Variants in PID1 observed in about 807,000 individuals in gnomAD.
PID1 encodes phosphotyrosine interaction domain containing 1.
PID1 carries 10 observed loss-of-function variants against 19.1 expected under a neutral mutation model. That is an observed-to-expected ratio of 0.52 (90% confidence interval 0.32 to 0.89). The LOEUF is 0.89. PID1 is among the 40% of genes least tolerant of loss of function. The pLI is 0.03. For synonymous variants in PID1, 130 were observed against 116.0 expected, an observed-to-expected ratio of 1.12 and a Z score of -0.78; for missense variants, 248 against 285.3, an observed-to-expected ratio of 0.87 and a Z score of 0.94.
intron 1 of PID1, among the ~76,000 whole-genome samples, chr2:229,187,214 C>T (rs1691151078): frequency 1.3e-5 from 2 of 152,198 alleles, no homozygotes; most frequent in Admixed American, 1.3e-4. Context: ...GCCCTTCAAA[C>T]TGTTCCAACC....
Position 229,207,374 on chromosome 2 carries a change from TACTC to T in PID1, c.31-51414_31-51411del, listed in dbSNP as rs796324479. ...TGATCTGTAAAATGGGAACTGAAAATACTCACCACACAGTATTAGCACAGGATGA... is the reference window on the plus strand; with the variant it reads ...TGATCTGTAAAATGGGAACTGAAAATACCACACAGTATTAGCACAGGATGA... On this transcript the variant is annotated intron_variant, in intron 1 of 2. Coordinates refer to ENST00000392055, the MANE Select transcript of PID1 (RefSeq NM_001100818.2). Among the ~76,000 whole-genome samples the T allele has an allele frequency of 5.3e-5, 8 of 151,862 alleles. 1 individual carries two copies. Among genetic ancestry groups the T allele is most frequent in the African/African-American group, 1.7e-4 (7 of 41,376 alleles).
intron 2 of PID1, among the ~76,000 whole-genome samples, chr2:229,126,542 C>T (rs1414932578): frequency 1.3e-5 from 2 of 152,062 alleles, no homozygotes; most frequent in Non-Finnish European, 2.9e-5. Context: ...TTTAGGAACC[C>T]GAAATCACTA....
At chr2:229,173,429 T>C (rs1690750548) in intron 1 of PID1, among the ~76,000 whole-genome samples, 1 of 152,210 alleles carries the variant, frequency 6.6e-6, no homozygotes, top group Non-Finnish European at 1.5e-5. Flanking sequence ...AGCTTGTGTC[T>C]TACCTGCTCT....
At chr2:229,178,866 C>T (rs1160097799) in intron 1 of PID1, among the ~76,000 whole-genome samples, 2 of 151,924 alleles carry the variant, frequency 1.3e-5, no homozygotes, top group East Asian at 1.9e-4. Flanking sequence ...TCCCTATGCA[C>T]CGGGCACAAG....
chr2:229,069,795 A>G (rs1694415637), intron 2 of PID1, among the ~76,000 whole-genome samples: 1 of 152,226 alleles, frequency 6.6e-6, no homozygotes, highest in Non-Finnish European at 1.5e-5. Flanking sequence ...GCACTAAGAT[A>G]TTATTACTGC....
chr2:229,246,543 C>G (rs534848258), intron 1 of PID1, among the ~76,000 whole-genome samples: 1 of 152,242 alleles, frequency 6.6e-6, no homozygotes, highest in Admixed American at 6.5e-5. Flanking sequence ...CACACACACC[C>G]ATTTATTATC....
rs557585679 is a variant in PID1, at chr2:229,242,628, C to T, written c.30+28386G>A. 4.4e-4 allele frequency among the ~76,000 whole-genome samples: 67 copies of T among 152,250 alleles called. 1 individual carries two copies. Among genetic ancestry groups the T allele is most frequent in the African/African-American group, 1.6e-3 (67 of 41,540 alleles). Reference sequence around the variant, plus strand: ...ACCCCAAAGTCACTGCTTTAGATGACATCTTCATCCCCTTTTGCCTGTACC... The same window carrying T: ...ACCCCAAAGTCACTGCTTTAGATGATATCTTCATCCCCTTTTGCCTGTACC... On this transcript the variant is annotated intron_variant, in intron 1 of 2. Transcript: ENST00000392055.
intron 2 of PID1, among the ~76,000 whole-genome samples, chr2:229,084,738 G>A (rs1559225946): frequency 6.6e-6 from 1 of 152,256 alleles, no homozygotes; most frequent in Non-Finnish European, 1.5e-5. Context: ...AAGAACAAAG[G>A]GCGAGTGGAG....
At chr2:229,199,967 T>C (rs1402273058) in intron 1 of PID1, among the ~76,000 whole-genome samples, 1 of 151,920 alleles carries the variant, frequency 6.6e-6, no homozygotes, top group Non-Finnish European at 1.5e-5. Flanking sequence ...ATTTTAACAA[T>C]TGCTAATAAT....
chr2:229,182,387 C>T (rs941664261), intron 1 of PID1, among the ~76,000 whole-genome samples: 1 of 151,522 alleles, frequency 6.6e-6, no homozygotes, highest in Non-Finnish European at 1.5e-5. Context: ...ACTGCTCTTA[C>T]AAAATAAAAC....
intron 2 of PID1, among the ~76,000 whole-genome samples, chr2:229,115,662 A>T (rs935813752): frequency 2.0e-5 from 3 of 152,194 alleles, no homozygotes; most frequent in African/African-American, 7.2e-5. Flanking sequence ...GAAGACTCAA[A>T]AAAGTCAATC....
intron 1 of PID1, among the ~76,000 whole-genome samples, chr2:229,211,501 G>T (rs1474841775): frequency 6.6e-6 from 1 of 152,042 alleles, no homozygotes; most frequent in Non-Finnish European, 1.5e-5. Flanking sequence ...CTGTTTATTG[G>T]TCATATTTTT....
chr2:229,254,628 C>G (rs1270711845), intron 1 of PID1, among the ~76,000 whole-genome samples: 1 of 152,150 alleles, frequency 6.6e-6, no homozygotes, highest in Non-Finnish European at 1.5e-5. Context: ...TAATTCTAGT[C>G]TAGGTTTTCA....
At chr2:229,057,539 G>A (rs898692567) in intron 2 of PID1, among the ~76,000 whole-genome samples, 15 of 151,440 alleles carry the variant, frequency 9.9e-5, no homozygotes, top group African/African-American at 1.5e-4. Context: ...ATAAAGATAT[G>A]CACTGCAAAC....
chr2:229,228,120 A>C, intron 1 of PID1: 1 of 448,554 alleles, frequency 2.2e-6, no homozygotes, highest in Non-Finnish European at 4.5e-6. Context: ...ATCCAAGAGA[A>C]TCGAGATAAA....
At chr2:229,143,321 A>G (rs967261875) in intron 2 of PID1, among the ~76,000 whole-genome samples, 3 of 151,902 alleles carry the variant, frequency 2.0e-5, no homozygotes, top group African/African-American at 7.3e-5. Context: ...CATTGTGCAC[A>G]TGTACCCTAA....
chr2:229,189,692 C>T (rs1691215274), intron 1 of PID1, among the ~76,000 whole-genome samples: 2 of 152,112 alleles, frequency 1.3e-5, no homozygotes, highest in African/African-American at 4.8e-5. Context: ...AGTGAAACTC[C>T]ATCAACAACC....
At chr2:229,149,861 C>G (rs926554773) in intron 2 of PID1, among the ~76,000 whole-genome samples, 1 of 152,066 alleles carries the variant, frequency 6.6e-6, no homozygotes, top group Non-Finnish European at 1.5e-5. Context: ...AAGGAACAAG[C>G]GCTGCCGGAT....
At chr2:229,150,065 T>A (rs1690217575) in intron 2 of PID1, among the ~76,000 whole-genome samples, 1 of 151,472 alleles carries the variant, frequency 6.6e-6, no homozygotes. Context: ...AGGTGAAAAC[T>A]CCTACTAAAA....
Sources: gnomAD v4.1 joint callset for allele counts (sites outside exome capture counted in the v4.1 genomes callset) on GRCh38, gnomAD v4.1.1 for gene constraint, MANE v1.5 for transcripts, NCBI Gene and HGNC (gene_info 2026-07-23, HGNC 2026-07-21) for gene names.